LRP1B: variants seen among roughly 807,000 people sequenced by gnomAD.
LRP1B encodes the protein LDL receptor related protein 1B.
In LRP1B, 217 loss-of-function variants were observed where a neutral mutation model predicts 556.6. That is an observed-to-expected ratio of 0.39 (90% CI 0.35 to 0.44). LRP1B has a LOEUF of 0.44. Among genes scored for constraint, LRP1B ranks in the 20% least tolerant of loss-of-function variants. LRP1B has a pLI of 1.00. For synonymous variants in LRP1B, 2,047 were observed against 1,865.8 expected, an observed-to-expected ratio of 1.10 and a Z score of -2.50; for missense variants, 5,053 against 5,620.8, an observed-to-expected ratio of 0.90 and a Z score of 3.23.
intron 3 of LRP1B, among the ~76,000 whole-genome samples, chr2:141,295,461 G>T (rs1414586385): frequency 6.6e-6 from 1 of 151,806 alleles, no homozygotes; most frequent in Non-Finnish European, 1.5e-5. Flanking sequence ...CTCAATTTAG[G>T]GAGGAAAAAA....
At chr2:141,770,217 C>T (rs1694855706) in intron 2 of LRP1B, among the ~76,000 whole-genome samples, 1 of 151,476 alleles carries the variant, frequency 6.6e-6, no homozygotes, top group Admixed American at 6.6e-5. Flanking sequence ...TTGCATTTTG[C>T]ATCTATGCTT....
chr2:141,377,864 G>A (rs942268155), intron 3 of LRP1B, among the ~76,000 whole-genome samples: 13 of 152,150 alleles, frequency 8.5e-5, no homozygotes, highest in Admixed American at 7.9e-4. Context: ...GTTTTGAGGA[G>A]AACATTGTCT....
At chr2:142,059,355 G>A (rs1574642239) in intron 1 of LRP1B, among the ~76,000 whole-genome samples, 1 of 152,116 alleles carries the variant, frequency 6.6e-6, no homozygotes, top group East Asian at 1.9e-4. Flanking sequence ...ATTCAAATCA[G>A]GTCTATCAGT....
At chr2:141,376,639 T>G (rs1573874929) in intron 3 of LRP1B, among the ~76,000 whole-genome samples, 1 of 152,182 alleles carries the variant, frequency 6.6e-6, no homozygotes, top group Non-Finnish European at 1.5e-5. Flanking sequence ...TTTTTAACAA[T>G]TAGATTTCTA....
chr2:141,123,481 A>G (rs1367048584), intron 7 of LRP1B, among the ~76,000 whole-genome samples: 1 of 152,110 alleles, frequency 6.6e-6, no homozygotes, highest in Non-Finnish European at 1.5e-5. Flanking sequence ...ATTAATAAAT[A>G]TTTTAAAAGC....
Position 140,982,425 on chromosome 2 carries a change from G to A in LRP1B, c.2771-149C>T, listed in dbSNP as rs1696800124. ...TTTTAAAAGTCCATTTTTATTTAAG[G>A]CTTCTGAATACCAGCTTGCTTGTCT... On this transcript the variant is annotated intron_variant, in intron 17 of 90. Coordinates refer to ENST00000389484, the MANE Select transcript of LRP1B (RefSeq NM_018557.3). 12 of 569,506 alleles carry A rather than the reference G, an allele frequency of 2.1e-5. No homozygotes were observed. The South Asian group carries it at 2.9e-4, about 14-fold the overall frequency. The allele number at this position is 569,506 out of a possible 1,614,324, so 35.3% of individuals were successfully genotyped here.
At chr2:140,499,858 G>A (rs150097393) in intron 55 of LRP1B, among the ~76,000 whole-genome samples, 277 of 151,986 alleles carry the variant, frequency 1.8e-3, no homozygotes, top group African/African-American at 6.5e-3. Context: ...GTACATAACT[G>A]TATATATGAT....
intron 1 of LRP1B, among the ~76,000 whole-genome samples, chr2:142,091,522 T>A (rs1706173292): frequency 6.6e-6 from 1 of 152,142 alleles, no homozygotes; most frequent in South Asian, 2.1e-4. Context: ...GAAAGAACAT[T>A]TGGATTTGAG....
At chr2:141,890,499 T>C (rs1406050501) in intron 1 of LRP1B, among the ~76,000 whole-genome samples, 3 of 151,688 alleles carry the variant, frequency 2.0e-5, no homozygotes, top group Middle Eastern at 3.4e-3. Context: ...GTATATATCA[T>C]TGACAAAATA....
At chr2:141,077,212 C>T (rs993043498) in intron 7 of LRP1B, among the ~76,000 whole-genome samples, 5 of 152,134 alleles carry the variant, frequency 3.3e-5, no homozygotes, top group African/African-American at 9.7e-5. Context: ...TGTGCCACTG[C>T]ACTCCAGCCT....
intron 43 of LRP1B, chr2:140,586,758 GT>G (rs756154720): frequency 1.2e-4 from 18 of 152,132 alleles, no homozygotes; most frequent in Non-Finnish European, 1.9e-4. Context: ...GGGAAAGACA[GT>G]TAAAAACAGA....
chr2:142,120,115 TTTTG>T (rs1553519481), intron 1 of LRP1B, among the ~76,000 whole-genome samples: 1 of 151,918 alleles, frequency 6.6e-6, no homozygotes, highest in Admixed American at 6.5e-5. Flanking sequence ...CTACAGGTTT[TTTTG>T]TTTGTTTGTT....
intron 32 of LRP1B, among the ~76,000 whole-genome samples, chr2:140,807,395 C>A (rs988250542): frequency 2.0e-5 from 3 of 152,020 alleles, no homozygotes; most frequent in Non-Finnish European, 2.9e-5. Context: ...GGCTGGAATG[C>A]AGTGGCACAA....
At chr2:141,346,554 C>G (rs1688264282) in intron 3 of LRP1B, among the ~76,000 whole-genome samples, 1 of 152,128 alleles carries the variant, frequency 6.6e-6, no homozygotes, top group African/African-American at 2.4e-5. Flanking sequence ...AGGTGTCTTA[C>G]TCTCCCTGTT....
rs1688452611 is a variant in LRP1B, at chr2:140,748,782, A to AT, written c.5758+20430dup. 3.8e-5 allele frequency among the ~76,000 whole-genome samples: 2 copies of AT among 52,754 alleles called. 1 individual carries two copies. Among genetic ancestry groups the AT allele is most frequent in the Non-Finnish European group, 8.7e-5 (2 of 23,090 alleles). The allele number at this position is 52,754 out of a possible 152,430, so 34.6% of individuals were successfully genotyped here. A position where few individuals can be genotyped will look rare whatever the true frequency, so the allele number is the denominator to read the frequency against. Reference sequence around the variant, plus strand: ...TTATATACATGTATATAATATGTATATAATATATATTATATACATATTATA... The same window carrying AT: ...TTATATACATGTATATAATATGTATATTAATATATATTATATACATATTATA... On this transcript the variant is annotated intron_variant, in intron 35 of 90. Transcript: ENST00000389484.
In LRP1B at chr2:141,688,428, TA is replaced by T. The variant is rs562908074; in HGVS notation, c.205+121850del. Among the ~76,000 whole-genome samples the T allele has an allele frequency of 2.9e-3, 448 of 152,004 alleles. 2 individuals are homozygous for T. The highest frequency in any genetic ancestry group is 0.01 in the African/African-American group (425 of 41,522). ...ATTCATACTAATTATTAATATCACA[TA>T]TTTTTAAAAACCTGAGGTATAGATG... is the stretch of plus-strand genomic sequence containing the variant. On this transcript the variant is annotated intron_variant, in intron 2 of 90. Coordinates refer to ENST00000389484, the MANE Select transcript of LRP1B (RefSeq NM_018557.3).
intron 1 of LRP1B, among the ~76,000 whole-genome samples, chr2:141,908,298 A>C (rs1362942992): frequency 6.6e-6 from 1 of 152,070 alleles, no homozygotes; most frequent in Non-Finnish European, 1.5e-5. Flanking sequence ...CTAAGTTTAC[A>C]CTTAAATGCT....
rs374369026 is a variant in LRP1B, at chr2:141,822,130, C to CACACAGAGAGAGAG, written c.83-11730_83-11729insCTCTCTCTCTGTGT. Reference sequence around the variant, plus strand: ...ACACACACACACACACACACACACACAGAGAGAGAGAGAGAGAGAGAGAGA... The same window carrying CACACAGAGAGAGAG: ...ACACACACACACACACACACACACACACACAGAGAGAGAGAGAGAGAGAGAGAGAGAGAGAGAGA... On this transcript the variant is annotated intron_variant, in intron 1 of 90. Transcript: ENST00000389484. Among the ~76,000 whole-genome samples, 52 of 95,892 alleles carry CACACAGAGAGAGAG rather than the reference C, an allele frequency of 5.4e-4. 1 individual carries two copies. The highest frequency in any genetic ancestry group is 2.0e-3 in the African/African-American group (44 of 22,418). The allele number at this position is 95,892 out of a possible 152,430, so 62.9% of individuals were successfully genotyped here.
At chr2:140,270,723 C>G (rs892463699) in intron 85 of LRP1B, among the ~76,000 whole-genome samples, 3 of 151,868 alleles carry the variant, frequency 2.0e-5, no homozygotes, top group African/African-American at 4.8e-5. Flanking sequence ...GAATGATAAA[C>G]CACATGATCA....
Sources: gnomAD v4.1 joint callset for allele counts (sites outside exome capture counted in the v4.1 genomes callset) on GRCh38, gnomAD v4.1.1 for gene constraint, MANE v1.5 for transcripts, NCBI Gene and HGNC (gene_info 2026-07-23, HGNC 2026-07-21) for gene names.